PLEKHA7: variants seen among roughly 807,000 people sequenced by gnomAD.
The protein encoded by PLEKHA7 is pleckstrin homology domain-containing family A member 7.
A neutral mutation model predicts 170.0 loss-of-function variants in PLEKHA7; 104 were observed. The ratio of observed to expected loss-of-function variants is 0.61; its 90% confidence interval spans 0.52 to 0.72. The LOEUF (loss-of-function observed/expected upper bound fraction) is 0.72, where lower values mean the gene tolerates loss of function less well. Ranked by LOEUF, PLEKHA7 falls within the 30% of genes least tolerant of loss-of-function variation. The pLI, the probability that PLEKHA7 is intolerant of heterozygous loss-of-function variation, is 0.00. For missense variants in PLEKHA7, 1,615 were observed against 1,671.7 expected, an observed-to-expected ratio of 0.97 and a Z score of 0.59; for synonymous variants, 648 against 660.8, an observed-to-expected ratio of 0.98 and a Z score of 0.30.
In PLEKHA7 at chr11:16,893,944, A is replaced by G. The variant is rs1404285173; in HGVS notation, c.222-22762T>C. Among the ~76,000 whole-genome samples, 9 of 152,182 alleles carry G rather than the reference A, an allele frequency of 5.9e-5. No homozygotes were observed. In the East Asian group the frequency reaches 1.7e-3, roughly 29 times the overall value. ...AAAGCAGCCTCTTGCAGATGCTTCC[A>G]GTGTTGATGCTGTACTGAATCAGGT... is the stretch of plus-strand genomic sequence containing the variant. On this transcript the variant is annotated intron_variant, in intron 3 of 26. Coordinates refer to ENST00000531066, the MANE Select transcript of PLEKHA7 (RefSeq NM_001329630.2).
At chr11:16,786,150 C>T (rs1385627669) in intron 24 of PLEKHA7, 79 bp downstream of exon 24, 16 of 1,486,712 alleles carry the variant, frequency 1.1e-5, no homozygotes, top group Non-Finnish European at 1.4e-5. Flanking sequence ...GGATGATACC[C>T]CACAGTGGGA....
chr11:16,991,133 C>T (rs1433434855), intron 3 of PLEKHA7, among the ~76,000 whole-genome samples: 1 of 152,128 alleles, frequency 6.6e-6, no homozygotes, highest in Non-Finnish European at 1.5e-5. Context: ...GTACCCAAGG[C>T]CCAGCCCTCT....
In PLEKHA7 at chr11:16,824,572, G is replaced by A. The variant is rs184674732; in HGVS notation, c.1343+1548C>T. Reference sequence around the variant, plus strand: ...TCATCCTTGTTGTTTCCTTCATCCCGCATTCGAATTCACTTACGAGTGTCG... The same window carrying A: ...TCATCCTTGTTGTTTCCTTCATCCCACATTCGAATTCACTTACGAGTGTCG... On this transcript the variant is annotated intron_variant, in intron 10 of 26. Coordinates refer to ENST00000531066, the MANE Select transcript of PLEKHA7 (RefSeq NM_001329630.2). Among the ~76,000 whole-genome samples the A allele has an allele frequency of 3.9e-5, 6 of 152,204 alleles. No individual in the cohort carries two copies. The East Asian group carries it at 9.6e-4, about 24-fold the overall frequency.
intron 8 of PLEKHA7, among the ~76,000 whole-genome samples, chr11:16,845,875 G>A (rs904033157): frequency 6.6e-6 from 1 of 152,182 alleles, no homozygotes; most frequent in Non-Finnish European, 1.5e-5. Context: ...GAACTTGCAG[G>A]TAATACCTGC....
intron 10 of PLEKHA7, among the ~76,000 whole-genome samples, chr11:16,822,502 G>GA (rs775136335): frequency 0.035 from 2,781 of 78,858 alleles, 56 homozygotes; most frequent in Middle Eastern, 0.057. Flanking sequence ...TTTGGTAGGG[G>GA]AAAAAAAAAA....
intron 3 of PLEKHA7, among the ~76,000 whole-genome samples, chr11:16,999,911 C>A (rs1864564902): frequency 6.6e-6 from 1 of 152,158 alleles, no homozygotes; most frequent in South Asian, 2.1e-4. Flanking sequence ...CATGTCTACC[C>A]TCACTGCCCC....
chr11:16,810,123 C>T (rs1381167214), intron 13 of PLEKHA7, among the ~76,000 whole-genome samples: 6 of 152,236 alleles, frequency 3.9e-5, no homozygotes, highest in Admixed American at 6.5e-5. Context: ...GGCTGAGCCC[C>T]GGGAATGGGG....
At chr11:17,013,129 T>C (rs953790484) in intron 3 of PLEKHA7, 1 of 152,484 alleles carries the variant, frequency 6.6e-6, no homozygotes, top group Non-Finnish European at 1.5e-5. Flanking sequence ...AGGCAGTGTC[T>C]GGCCTCCCGG....
chr11:16,927,230 T>C (rs1859626173), intron 3 of PLEKHA7, among the ~76,000 whole-genome samples: 1 of 152,240 alleles, frequency 6.6e-6, no homozygotes, highest in Admixed American at 6.5e-5. Context: ...TGTTTCTCCA[T>C]ATATTTTTTT....
chr11:16,929,859 C>T (rs1859804297), intron 3 of PLEKHA7, among the ~76,000 whole-genome samples: 1 of 152,136 alleles, frequency 6.6e-6, no homozygotes, highest in South Asian at 2.1e-4. Context: ...AAAAAATTAG[C>T]TGGGCGTGGT....
intron 3 of PLEKHA7, among the ~76,000 whole-genome samples, chr11:16,915,268 G>C (rs1338900263): frequency 1.3e-5 from 2 of 152,228 alleles, no homozygotes; most frequent in Admixed American, 1.3e-4. Flanking sequence ...AAACAGATTG[G>C]TAAGTAGGTT....
rs144757103 is a variant in PLEKHA7 at position 16,809,468 on chromosome 11, C to T, written c.2007+3645G>A. 3.6e-3 allele frequency among the ~76,000 whole-genome samples: 548 copies of T among 152,304 alleles called. 4 individuals are homozygous for T. The highest frequency in any genetic ancestry group is 0.027 in the Middle Eastern group (8 of 294). On this transcript the variant is annotated intron_variant, in intron 13 of 26. Coordinates refer to ENST00000531066, the MANE Select transcript of PLEKHA7 (RefSeq NM_001329630.2). Reference sequence around the variant, plus strand: ...AGAGGCTTATATCCTTACCTCACCCCCCTCCAAGGAACCAGGGGGGACCTC... The same window carrying T: ...AGAGGCTTATATCCTTACCTCACCCTCCTCCAAGGAACCAGGGGGGACCTC...
chr11:16,804,563 T>C (rs934568149), intron 13 of PLEKHA7, among the ~76,000 whole-genome samples: 1 of 152,216 alleles, frequency 6.6e-6, no homozygotes, highest in Non-Finnish European at 1.5e-5. Flanking sequence ...TGAGGACTGA[T>C]TCTGGGCTAC....
chr11:16,809,854 C>T (rs1219070003), intron 13 of PLEKHA7, among the ~76,000 whole-genome samples: 3 of 152,234 alleles, frequency 2.0e-5, no homozygotes, highest in African/African-American at 7.2e-5. Context: ...CAGAGTTTTA[C>T]AGGCTGTCTC....
chr11:16,897,408 T>C (rs992698465), intron 3 of PLEKHA7, among the ~76,000 whole-genome samples: 2 of 151,998 alleles, frequency 1.3e-5, no homozygotes, highest in African/African-American at 2.4e-5. Flanking sequence ...ACCTCAATCA[T>C]ATAGTGCAGA....
At chr11:17,011,754 C>T (rs1178009745) in intron 3 of PLEKHA7, among the ~76,000 whole-genome samples, 1 of 152,126 alleles carries the variant, frequency 6.6e-6, no homozygotes, top group Non-Finnish European at 1.5e-5. Context: ...ATCTATTATA[C>T]CCAATGGGTC....
chr11:16,906,113 C>T (rs1360808781), intron 3 of PLEKHA7, among the ~76,000 whole-genome samples: 1 of 152,106 alleles, frequency 6.6e-6, no homozygotes, highest in Admixed American at 6.6e-5. Flanking sequence ...CTGTTGTGGG[C>T]TGAACTGTGT....
At chr11:16,790,351 C>G (rs888264669) in intron 21 of PLEKHA7, 1 of 201,022 alleles carries the variant, frequency 5.0e-6, no homozygotes, top group Non-Finnish European at 1.0e-5. Flanking sequence ...TGGCAGCCAC[C>G]CAGCACTCCG....
At position 16,801,773 on chromosome 11, in the gene PLEKHA7, C is replaced by T. The variant is rs779809550; in HGVS notation, c.2202G>A (p.Glu734=). Residue 734 remains glutamate, a synonymous_variant, in exon 16 of 27, where the codon GAG becomes GAA. Coordinates refer to ENST00000531066, the MANE Select transcript of PLEKHA7 (RefSeq NM_001329630.2). ...SVLEVLHRQM[E]QYRDQPQHLE... is the part of the protein sequence containing the mutation. ...AGTGCTGGGGCTGGTCTCGGTACTG[C>T]TCCATCTGTCTGTGCAACACCTCCA... is the stretch of plus-strand genomic sequence containing the variant. The T allele has an allele frequency of 1.2e-6, 2 of 1,614,074 alleles. No individual in the cohort carries two copies. Among genetic ancestry groups the T allele is most frequent in the African/African-American group, 1.3e-5 (1 of 74,912 alleles).
Sources: gnomAD v4.1 joint callset for allele counts (sites outside exome capture counted in the v4.1 genomes callset) on GRCh38, gnomAD v4.1.1 for gene constraint, MANE v1.5 for transcripts, NCBI Gene and HGNC (gene_info 2026-07-23, HGNC 2026-07-21) for gene names.